Variants in TTC28 observed in about 807,000 individuals in gnomAD.
TTC28 encodes tetratricopeptide repeat protein 28.
In TTC28, 61 loss-of-function variants were observed where a neutral mutation model predicts 198.0. The observed-to-expected ratio is 0.31, with a 90% confidence interval of 0.25 to 0.38. The LOEUF (loss-of-function observed/expected upper bound fraction) is 0.38. Ranked by LOEUF, TTC28 falls within the 10% of genes least tolerant of loss-of-function variation. TTC28 has a pLI of 1.00. For synonymous variants in TTC28, 1,171 were observed against 1,297.8 expected (o/e 0.90, Z 2.10); for missense variants, 2,678 against 3,164.0 (o/e 0.85, Z 3.69).
At chr22:28,646,504 C>T (rs996783436) in intron 1 of TTC28, among the ~76,000 whole-genome samples, 5 of 152,154 alleles carry the variant, frequency 3.3e-5, no homozygotes, top group Non-Finnish European at 4.4e-5. Context: ...AGATTCAGTG[C>T]AATTTCTATC....
intron 1 of TTC28, among the ~76,000 whole-genome samples, chr22:28,654,528 ATGTT>A (rs2051613640): frequency 6.6e-6 from 1 of 152,016 alleles, no homozygotes; most frequent in Non-Finnish European, 1.5e-5. Context: ...GGGTTTCACC[ATGTT>A]GGCCAGGATG....
At chr22:28,669,258 T>C (rs2051838168) in intron 1 of TTC28, among the ~76,000 whole-genome samples, 2 of 142,610 alleles carry the variant, frequency 1.4e-5, no homozygotes, top group Non-Finnish European at 3.0e-5. Context: ...CATATGTAAC[T>C]AACCTGCACA....
intron 1 of TTC28, among the ~76,000 whole-genome samples, chr22:28,675,735 T>TCATGTCACTCGCACACA (rs2051972950): frequency 7.4e-6 from 1 of 135,118 alleles, no homozygotes; most frequent in Admixed American, 7.6e-5. Flanking sequence ...TGAAACCCTG[T>TCATGTCACTCGCACACA]CACACACACA....
At chr22:28,393,071 T>C (rs1404637231) in intron 2 of TTC28, among the ~76,000 whole-genome samples, 1 of 152,024 alleles carries the variant, frequency 6.6e-6, no homozygotes, top group Non-Finnish European at 1.5e-5. Context: ...TTTGTAGAGA[T>C]GAGGTCTTGC....
At chr22:28,614,434 G>GA (rs1170990329) in intron 2 of TTC28, among the ~76,000 whole-genome samples, 5 of 152,068 alleles carry the variant, frequency 3.3e-5, no homozygotes, top group Non-Finnish European at 5.9e-5. Flanking sequence ...CACAGAATTA[G>GA]AAAAAACTAC....
chr22:28,336,371 T>G (rs139425564), intron 2 of TTC28, among the ~76,000 whole-genome samples: 2,462 of 152,280 alleles, frequency 0.016, 89 homozygotes, highest in African/African-American at 0.057. Flanking sequence ...TTAGGGAGGA[T>G]TCCCTCTTTT....
At chr22:28,287,808 A>C (rs887705994) in intron 5 of TTC28, among the ~76,000 whole-genome samples, 1 of 152,188 alleles carries the variant, frequency 6.6e-6, no homozygotes, top group African/African-American at 2.4e-5. Context: ...TTTTAGAAGG[A>C]TAACTCAAAG....
At chr22:28,070,372 A>G (rs1940920076) in intron 12 of TTC28, among the ~76,000 whole-genome samples, 2 of 152,204 alleles carry the variant, frequency 1.3e-5, no homozygotes, top group Non-Finnish European at 2.9e-5. Context: ...ATAGACAAAA[A>G]CAGTAGAAAC....
At chr22:28,281,219 T>A (rs1360566353) in intron 5 of TTC28, among the ~76,000 whole-genome samples, 2 of 152,162 alleles carry the variant, frequency 1.3e-5, no homozygotes. Context: ...CCGTAACATG[T>A]ATATAATTAT....
intron 2 of TTC28, among the ~76,000 whole-genome samples, chr22:28,481,522 AAT>A (rs1339405366): frequency 6.6e-6 from 1 of 152,192 alleles, no homozygotes; most frequent in Non-Finnish European, 1.5e-5. Flanking sequence ...TATAATTTAC[AAT>A]AGTCTAAATT....
chr22:28,097,230 A>G (rs1482292943), intron 10 of TTC28, among the ~76,000 whole-genome samples: 2 of 152,258 alleles, frequency 1.3e-5, no homozygotes, highest in East Asian at 3.9e-4. Context: ...GCCTTGTCTC[A>G]AGAAGAGGGA....
chr22:28,246,440 C>A lies in TTC28; in HGVS notation c.933+49758G>T, dbSNP rs76098177. On this transcript the variant is annotated intron_variant, in intron 5 of 22. Coordinates refer to ENST00000397906, the MANE Select transcript of TTC28 (RefSeq NM_001145418.2). Reference sequence around the variant, plus strand: ...TAAGGCTTTTTTCTGGTCTATAACACTCTGTGATTCTTTGAGAAGCTAATC... The same window carrying A: ...TAAGGCTTTTTTCTGGTCTATAACAATCTGTGATTCTTTGAGAAGCTAATC... Among the ~76,000 whole-genome samples, 328 of 152,236 alleles carry A rather than the reference C, an allele frequency of 2.2e-3. 1 individual carries two copies. The highest frequency in any genetic ancestry group is 7.3e-3 in the African/African-American group (305 of 41,538).
chr22:28,524,065 T>C (rs2048961459), intron 2 of TTC28, among the ~76,000 whole-genome samples: 1 of 152,156 alleles, frequency 6.6e-6, no homozygotes, highest in Non-Finnish European at 1.5e-5. Context: ...AAAAGGCAAA[T>C]TCTGAGTAAC....
At chr22:28,480,668 G>A (rs1372392648) in intron 2 of TTC28, among the ~76,000 whole-genome samples, 2 of 152,072 alleles carry the variant, frequency 1.3e-5, no homozygotes, top group East Asian at 1.9e-4. Flanking sequence ...GCTCAAGGAG[G>A]AAAGGGCATT....
At chr22:28,287,718 T>C (rs969871010) in intron 5 of TTC28, among the ~76,000 whole-genome samples, 5 of 152,120 alleles carry the variant, frequency 3.3e-5, no homozygotes, top group African/African-American at 1.2e-4. Context: ...TTGGACTTTA[T>C]CCTGGAGGGA....
chr22:28,210,622 A>G (rs1926848198), intron 5 of TTC28, among the ~76,000 whole-genome samples: 1 of 152,182 alleles, frequency 6.6e-6, no homozygotes, highest in Non-Finnish European at 1.5e-5. Context: ...ACAGCCTCCA[A>G]GAAATATGGG....
chr22:28,679,068 CCT>C (rs1205738861), intron 1 of TTC28, among the ~76,000 whole-genome samples: 2 of 152,236 alleles, frequency 1.3e-5, no homozygotes, highest in African/African-American at 4.8e-5. Context: ...CATCCTTCCC[CCT>C]GACTAGTGGC....
At chr22:28,049,722 G>T (rs940772184) in intron 12 of TTC28, among the ~76,000 whole-genome samples, 2 of 152,164 alleles carry the variant, frequency 1.3e-5, no homozygotes, top group Admixed American at 6.5e-5. Context: ...CTACAGTGTG[G>T]TAAGGGCACA....
chr22:28,100,745 C>T (rs969450614), intron 9 of TTC28, among the ~76,000 whole-genome samples: 19 of 152,202 alleles, frequency 1.2e-4, no homozygotes, highest in African/African-American at 4.3e-4. Flanking sequence ...TTTCTACTCT[C>T]CAGGGCCAGC....
Sources: gnomAD v4.1 joint callset for allele counts (sites outside exome capture counted in the v4.1 genomes callset) on GRCh38, gnomAD v4.1.1 for gene constraint, MANE v1.5 for transcripts, NCBI Gene and HGNC (gene_info 2026-07-23, HGNC 2026-07-21) for gene names.